NRG1: variants seen among roughly 807,000 people sequenced by gnomAD.
NRG1 encodes pro-neuregulin-1, membrane-bound isoform.
A neutral mutation model predicts 63.8 loss-of-function variants in NRG1; 18 were observed. The ratio of observed to expected loss-of-function variants is 0.28; its 90% CI spans 0.19 to 0.42. NRG1 has a LOEUF of 0.42. Ranked by LOEUF, NRG1 falls within the 10% of genes least tolerant of loss-of-function variation. NRG1 has a pLI of 1.00. For synonymous variants in NRG1, 302 were observed against 301.3 expected (o/e 1.00, Z -0.02); for missense variants, 762 against 814.7 (o/e 0.94, Z 0.79).
At chr8:32,476,311 T>C (rs1037973601) in intron 1 of NRG1, among the ~76,000 whole-genome samples, 3 of 151,990 alleles carry the variant, frequency 2.0e-5, no homozygotes, top group Non-Finnish European at 2.9e-5. Context: ...GATGATTCAT[T>C]CTTCAGGGGC....
At chr8:32,536,282 T>C (rs903497092) in intron 1 of NRG1, among the ~76,000 whole-genome samples, 4 of 152,162 alleles carry the variant, frequency 2.6e-5, no homozygotes, top group Non-Finnish European at 5.9e-5. Context: ...GCTGTAGGAC[T>C]GAAGTCTCTT....
chr8:31,907,881 A>G (rs1011173265), intron 1 of NRG1, among the ~76,000 whole-genome samples: 6 of 152,174 alleles, frequency 3.9e-5, no homozygotes, highest in Non-Finnish European at 5.9e-5. Flanking sequence ...GAAAATGTCT[A>G]CTATTCATCA....
downstream of NRG1, among the ~76,000 whole-genome samples, chr8:32,769,382 A>G (rs932362750): frequency 6.6e-6 from 1 of 152,124 alleles, no homozygotes; most frequent in African/African-American, 2.4e-5. Flanking sequence ...GGTTGAAACC[A>G]TGTTCTCTCT....
At chr8:31,966,050 C>A (rs1277351820) in intron 1 of NRG1, among the ~76,000 whole-genome samples, 1 of 151,990 alleles carries the variant, frequency 6.6e-6, no homozygotes, top group Non-Finnish European at 1.5e-5. Context: ...AGAGCCCAAT[C>A]TTCACCATTA....
chr8:32,767,180 C>A, exon 12 of NRG1: 1 of 152,202 alleles, frequency 6.6e-6, no homozygotes, highest in East Asian at 1.9e-4. Flanking sequence ...AGTGCCTGGA[C>A]AGCATTCTAG....
intron 1 of NRG1, among the ~76,000 whole-genome samples, chr8:31,873,040 A>G (rs1829621187): frequency 6.6e-6 from 1 of 152,164 alleles, no homozygotes; most frequent in Non-Finnish European, 1.5e-5. Flanking sequence ...TCAGAAGGAG[A>G]AAACTCATGT....
At chr8:32,520,994 G>C (rs73579880) in intron 1 of NRG1, among the ~76,000 whole-genome samples, 1 of 152,090 alleles carries the variant, frequency 6.6e-6, no homozygotes, top group Non-Finnish European at 1.5e-5. Context: ...TAGCCCCAAA[G>C]TACAAGAGTA....
chr8:32,492,558 G>C (rs991407538), intron 1 of NRG1, among the ~76,000 whole-genome samples: 2 of 152,086 alleles, frequency 1.3e-5, no homozygotes, highest in Non-Finnish European at 2.9e-5. Context: ...ATCCTATGGA[G>C]AGATGTCCTT....
At chr8:32,695,811 G>A (rs188092978) in intron 5 of NRG1, among the ~76,000 whole-genome samples, 2 of 152,346 alleles carry the variant, frequency 1.3e-5, no homozygotes, top group East Asian at 3.9e-4. Flanking sequence ...ATCAGAGGGA[G>A]CAAGGTATTA....
At chr8:32,220,254 A>G (rs1359975126) in intron 1 of NRG1, among the ~76,000 whole-genome samples, 2 of 152,188 alleles carry the variant, frequency 1.3e-5, no homozygotes, top group Non-Finnish European at 2.9e-5. Flanking sequence ...TTTAACTACA[A>G]GGACTTGGCT....
intron 6 of NRG1, among the ~76,000 whole-genome samples, chr8:32,729,663 C>A (rs1177328068): frequency 6.6e-6 from 1 of 152,156 alleles, no homozygotes; most frequent in Non-Finnish European, 1.5e-5. Flanking sequence ...CCTTTTACAT[C>A]ACAGAAATAC....
intron 1 of NRG1, among the ~76,000 whole-genome samples, chr8:32,316,988 G>A (rs957606725): frequency 6.6e-5 from 10 of 152,174 alleles, no homozygotes; most frequent in Non-Finnish European, 1.2e-4. Context: ...GAGTGGTAAG[G>A]TTTGTGAAAA....
At chr8:32,409,965 C>G (rs1243232024) in intron 1 of NRG1, among the ~76,000 whole-genome samples, 1 of 152,092 alleles carries the variant, frequency 6.6e-6, no homozygotes, top group African/African-American at 2.4e-5. Context: ...CCATCGTTAT[C>G]TCTGCATTCT....
intron 1 of NRG1, among the ~76,000 whole-genome samples, chr8:32,248,066 G>C (rs1051835825): frequency 1.3e-5 from 2 of 152,030 alleles, no homozygotes; most frequent in African/African-American, 4.8e-5. Flanking sequence ...CGTCTATTCA[G>C]CTTTTGTCCT....
intron 1 of NRG1, among the ~76,000 whole-genome samples, chr8:32,145,096 A>T (rs1053205409): frequency 3.4e-4 from 52 of 152,192 alleles, no homozygotes; most frequent in Non-Finnish European, 1.3e-4. Context: ...TGGTTTAGCC[A>T]ACCACGTGGA....
intron 1 of NRG1, among the ~76,000 whole-genome samples, chr8:32,055,241 T>C (rs1822722789): frequency 1.3e-5 from 2 of 152,098 alleles, no homozygotes; most frequent in Non-Finnish European, 2.9e-5. Flanking sequence ...AGACATAATA[T>C]GTGATAGTTT....
intron 1 of NRG1, among the ~76,000 whole-genome samples, chr8:32,029,148 C>T (rs1010080450): frequency 1.3e-5 from 2 of 152,128 alleles, no homozygotes. Context: ...GTATTATTTG[C>T]GTACCTCATT....
At chr8:32,751,246 A>C (rs1223219694) in intron 7 of NRG1, 1 of 152,210 alleles carries the variant, frequency 6.6e-6, no homozygotes, top group Non-Finnish European at 1.5e-5. Context: ...CAGACCTTAA[A>C]GGTCAAGTAC....
At chr8:32,716,447 G>A (rs113632498) in intron 5 of NRG1, among the ~76,000 whole-genome samples, 61 of 152,220 alleles carry the variant, frequency 4.0e-4, no homozygotes, top group African/African-American at 1.1e-3. Flanking sequence ...TGCTTGCAGC[G>A]TCTACAAAAA....
Sources: gnomAD v4.1 joint callset for allele counts (sites outside exome capture counted in the v4.1 genomes callset) on GRCh38, gnomAD v4.1.1 for gene constraint, MANE v1.5 for transcripts, NCBI Gene and HGNC (gene_info 2026-07-23, HGNC 2026-07-21) for gene names.